SDHC: variants seen among roughly 807,000 people sequenced by gnomAD.
The protein encoded by SDHC is succinate dehydrogenase cytochrome b560 subunit, mitochondrial.
A neutral mutation model predicts 22.6 loss-of-function variants in SDHC; 11 were observed. The observed-to-expected ratio is 0.49, with a 90% CI of 0.31 to 0.81. The LOEUF is 0.81. Ranked by LOEUF, SDHC falls within the 30% of genes least tolerant of loss-of-function variation. The pLI is 0.05. For missense variants in SDHC, 160 were observed against 212.0 expected (o/e 0.75, Z 1.52); for synonymous variants, 80 against 77.8 (o/e 1.03, Z -0.15).
chr1:161,347,628 G>C (rs1043210841), intron 4 of SDHC, among the ~76,000 whole-genome samples: 2 of 151,450 alleles, frequency 1.3e-5, no homozygotes, highest in African/African-American at 4.8e-5. Flanking sequence ...AGCACTTTGG[G>C]AGGCCGAGGC....
At chr1:161,316,751 A>C (rs1387808339) in intron 1 of SDHC, among the ~76,000 whole-genome samples, 1 of 152,140 alleles carries the variant, frequency 6.6e-6, no homozygotes, top group African/African-American at 2.4e-5. Flanking sequence ...TCTTGATAGA[A>C]GTTCCCAGTC....
chr1:161,320,456 AATAAG>A (rs1670798732), intron 1 of SDHC, among the ~76,000 whole-genome samples: 1 of 152,204 alleles, frequency 6.6e-6, no homozygotes, highest in Admixed American at 6.5e-5. Flanking sequence ...GTATGACTAT[AATAAG>A]ATAAATTATA....
intron 3 of SDHC, among the ~76,000 whole-genome samples, chr1:161,333,526 C>G (rs76603937): frequency 0.12 from 17,766 of 152,002 alleles, 1,389 homozygotes; most frequent in African/African-American, 0.22. Context: ...TGCCTCAGCC[C>G]CCAAGTAGCT....
At chr1:161,362,301 C>CTTT in intron 5 of SDHC, 28 bp from the exon 6 acceptor site, 3 of 1,497,566 alleles carry the variant, frequency 2.0e-6, no homozygotes, top group Non-Finnish European at 1.8e-6. Context: ...ACTGAAATTC[C>CTTT]TTTTTTTTTT....
chr1:161,317,847 C>T (rs915501190), intron 1 of SDHC, among the ~76,000 whole-genome samples: 1 of 151,650 alleles, frequency 6.6e-6, no homozygotes, highest in Non-Finnish European at 1.5e-5. Context: ...TAAGCCACCA[C>T]GCCGGGCCAA....
At chr1:161,357,980 T>C (rs1672346936) in intron 5 of SDHC, among the ~76,000 whole-genome samples, 1 of 152,088 alleles carries the variant, frequency 6.6e-6, no homozygotes, top group Admixed American at 6.5e-5. Context: ...GGGCCAACTT[T>C]AATAGAAACT....
intron 4 of SDHC, among the ~76,000 whole-genome samples, chr1:161,350,189 G>C (rs1672054161): frequency 6.6e-6 from 1 of 151,976 alleles, no homozygotes; most frequent in African/African-American, 2.4e-5. Flanking sequence ...GGTTTACAAG[G>C]GTGATCCATG....
At chr1:161,347,254 CT>C (rs1470233407) in intron 4 of SDHC, among the ~76,000 whole-genome samples, 1 of 151,958 alleles carries the variant, frequency 6.6e-6, no homozygotes, top group Non-Finnish European at 1.5e-5. Context: ...AGGTCTGTTT[CT>C]TTTTTTCCTT....
intron 1 of SDHC, among the ~76,000 whole-genome samples, chr1:161,322,432 AGACTTTTTGACTT>A (rs1312647778): frequency 2.6e-5 from 4 of 152,214 alleles, no homozygotes; most frequent in Admixed American, 2.0e-4. Flanking sequence ...ATTACATGAA[AGACTTTTTGACTT>A]GAAATTCATT....
chr1:161,354,910 A>T (rs1393524172), intron 4 of SDHC, among the ~76,000 whole-genome samples: 1 of 151,926 alleles, frequency 6.6e-6, no homozygotes, highest in Non-Finnish European at 1.5e-5. Flanking sequence ...GGGTTTCACC[A>T]TGTTGCCCAG....
Position 161,356,774 on chromosome 1 carries a change from C to T in SDHC, c.339C>T (p.Ile113=), listed in dbSNP as rs1047677628. ...VKSLCLGPAL[I]HTAKFALVFP... ...CCCTGTGTCTGGGGCCAGCACTGAT[C>T]CACACAGCTAAGTTTGCACTTGTCT... The change falls in exon 5 of 6, where the codon ATC becomes ATT. Residue 113 remains isoleucine (I), a synonymous_variant. Transcript: ENST00000367975. 4 of 1,613,966 alleles carry T rather than the reference C, an allele frequency of 2.5e-6. No individual in the cohort carries two copies. In the African/African-American group the frequency reaches 4.0e-5, roughly 16 times the overall value.
At chr1:161,325,287 C>A (rs908268532) in intron 2 of SDHC, among the ~76,000 whole-genome samples, 10 of 144,046 alleles carry the variant, frequency 6.9e-5, no homozygotes, top group Middle Eastern at 4.5e-3. Flanking sequence ...GCAGGAGGAT[C>A]CCTTGAGCCC....
At chr1:161,336,732 A>G (rs1162016793) in intron 3 of SDHC, among the ~76,000 whole-genome samples, 2 of 152,138 alleles carry the variant, frequency 1.3e-5, no homozygotes, top group African/African-American at 4.8e-5. Flanking sequence ...CATATTTTCT[A>G]TTACCCATTT....
At chr1:161,343,593 G>A (rs1183014470) in intron 4 of SDHC, among the ~76,000 whole-genome samples, 2 of 151,830 alleles carry the variant, frequency 1.3e-5, no homozygotes, top group African/African-American at 2.4e-5. Context: ...GGGATGATAG[G>A]GTAAATCTCA....
At chr1:161,320,384 T>C (rs1670796631) in intron 1 of SDHC, among the ~76,000 whole-genome samples, 3 of 152,236 alleles carry the variant, frequency 2.0e-5, no homozygotes, top group Non-Finnish European at 4.4e-5. Flanking sequence ...TAGACATTTA[T>C]GAAACTTTTT....
chr1:161,339,323 C>T (rs1671618053), intron 3 of SDHC, among the ~76,000 whole-genome samples: 1 of 151,294 alleles, frequency 6.6e-6, no homozygotes, highest in African/African-American at 2.4e-5. Flanking sequence ...GCTGGGACCA[C>T]AGGCCTCTGC....
chr1:161,353,418 A>G (rs909590841), intron 4 of SDHC, among the ~76,000 whole-genome samples: 2 of 152,152 alleles, frequency 1.3e-5, no homozygotes, highest in African/African-American at 4.8e-5. Context: ...TGAATTTCCT[A>G]TCAAAACTAC....
At position 161,326,571 on chromosome 1, in the gene SDHC, A is replaced by G. The variant is rs1671061744; in HGVS notation, c.78-1825A>G. On this transcript the variant is annotated intron_variant, in intron 2 of 5. Transcript: ENST00000367975. The stretch of plus-strand genomic sequence containing the variant: ...TCTCTTTTTTTTTTTAAATATATAT[A>G]TATATATATTAGGTCTTTAAGGTTT... The G allele has an allele frequency of 2.9e-5, 4 of 140,166 alleles. No individual in the cohort carries two copies. In the South Asian group the frequency reaches 9.1e-4, roughly 32 times the overall value. The allele number at this position is 140,166 out of a possible 1,614,324, so 8.7% of individuals were successfully genotyped here.
intron 1 of SDHC, among the ~76,000 whole-genome samples, chr1:161,322,244 G>A (rs1007257906): frequency 7.9e-5 from 12 of 151,852 alleles, no homozygotes; most frequent in East Asian, 1.9e-4. Flanking sequence ...AACCTGTACC[G>A]TGTAAACTTT....
Sources: allele counts gnomAD v4.1 joint callset (sites outside exome capture counted in the v4.1 genomes callset), GRCh38; gene constraint gnomAD v4.1.1; transcripts MANE v1.5; gene names NCBI Gene and HGNC (gene_info 2026-07-23, HGNC 2026-07-21).